The following HK3 variants were observed in gnomAD, a reference collection of about 807,000 sequenced individuals.
HK3 encodes the protein hexokinase-3.
A neutral mutation model predicts 91.0 loss-of-function variants in HK3; 93 were observed. The observed-to-expected ratio is 1.02, with a 90% CI of 0.86 to 1.21. The LOEUF (loss-of-function observed/expected upper bound fraction) is 1.21, where lower values mean the gene tolerates loss of function less well. Ranked by LOEUF, HK3 falls within the 50% of genes most tolerant of loss-of-function variation. HK3 has a pLI of 0.00. For synonymous variants in HK3, 519 were observed against 516.9 expected, an observed-to-expected ratio of 1.00 and a Z score of -0.06; for missense variants, 1,235 against 1,247.4, an observed-to-expected ratio of 0.99 and a Z score of 0.15.
At chr5:176,897,874 G>GTCTGTTAGA (rs1758944892) in intron 1 of HK3, among the ~76,000 whole-genome samples, 1 of 152,140 alleles carries the variant, frequency 6.6e-6, no homozygotes, top group Admixed American at 6.5e-5. Context: ...AATCCCAGTG[G>GTCTGTTAGA]TCTGTTAGAC....
intron 15 of HK3, 22 bp downstream of exon 15, chr5:176,883,748 G>A: frequency 6.3e-7 from 1 of 1,590,660 alleles, no homozygotes; most frequent in Non-Finnish European, 8.6e-7. Context: ...GTAGGGGCAT[G>A]AAAGGGCAGG....
At position 176,891,398 on chromosome 5, in the gene HK3, T is replaced by A. The variant is rs752492634; in HGVS notation, c.249A>T (p.Pro83=). ...RMLPTYVGST[P]HGTEQGDFVV... is the part of the protein sequence containing the mutation. ...ATCTATGATACCCACCAGTGCCATG[T>A]GGGGTGGACCCCACGTATGTAGGCA... Residue 83 remains proline (P), a synonymous_variant, in exon 3 of 19, where the codon CCA becomes CCT. Transcript: ENST00000292432. 6.2e-7 allele frequency: 1 copy of A among 1,613,188 alleles called. No individual in the cohort carries two copies. Among genetic ancestry groups the A allele is most frequent in the East Asian group, 2.2e-5 (1 of 44,876 alleles).
chr5:176,882,563 C>T (rs191524682), intron 15 of HK3, among the ~76,000 whole-genome samples: 90 of 152,278 alleles, frequency 5.9e-4, no homozygotes, highest in South Asian at 3.5e-3. Context: ...GACGAGGAGC[C>T]CCACAGTCTG....
chr5:176,883,416 A>G (rs1758496152), intron 15 of HK3, among the ~76,000 whole-genome samples: 1 of 152,078 alleles, frequency 6.6e-6, no homozygotes, highest in Non-Finnish European at 1.5e-5. Context: ...TGTTACTCTT[A>G]TCTCCATCTT....
intron 1 of HK3, among the ~76,000 whole-genome samples, chr5:176,898,572 CA>C (rs1360666811): frequency 6.6e-6 from 1 of 152,152 alleles, no homozygotes; most frequent in Non-Finnish European, 1.5e-5. Flanking sequence ...AATATTTATT[CA>C]GCATTTTTAC....
rs1450955310 is a variant in HK3, at chr5:176,887,738, C to A, written c.1313G>T (p.Ser438Ile). ...GAGCATCACTGTCCCCTGCAGGACG[C>A]TGCAGAACCTACAGATACATACAGG... ...RVCERHPRFC[S>I]VLQGTVMLLA... is the part of the protein sequence containing the mutation. The change falls in exon 11 of 19, where the codon AGC becomes ATC. Residue 438 changes from serine (S) to isoleucine (I), a missense_variant. Coordinates refer to ENST00000292432, the MANE Select transcript of HK3 (RefSeq NM_002115.3). This position sits in a 1 kb window ranked among gnomAD's most constrained non-coding sequence, Gnocchi z 4.9. 1 of 1,606,552 alleles carries A rather than the reference C, an allele frequency of 6.2e-7. No homozygotes were observed. Among genetic ancestry groups the A allele is most frequent in the Admixed American group, 1.7e-5 (1 of 59,792 alleles).
At chr5:176,885,647 C>G (rs1758566027) in intron 13 of HK3, among the ~76,000 whole-genome samples, 1 of 151,996 alleles carries the variant, frequency 6.6e-6, no homozygotes, top group African/African-American at 2.4e-5. Context: ...GTCTTGAAAT[C>G]CTGATCTCAT....
chr5:176,881,541 G>A lies in HK3; in HGVS notation c.2394-6C>T. ...GCCGCAGGGCCAGGCTGTCACTGGG[G>A]GCCAGGAAGGAAGAGAGCACAGGGA... On this transcript the variant is annotated splice_region_variant and splice_polypyrimidine_tract_variant and intron_variant, in intron 17 of 18. Transcript: ENST00000292432. 1 of 1,599,750 alleles carries A rather than the reference G, an allele frequency of 6.3e-7. No individual in the cohort carries two copies. Among genetic ancestry groups the A allele is most frequent in the Non-Finnish European group, 8.5e-7 (1 of 1,175,116 alleles).
rs1758616206 is a variant in HK3 at position 176,887,242 on chromosome 5, A to C, written c.1696T>G (p.Tyr566Asp). The change falls in exon 12 of 19, where the codon TAC (tyrosine) becomes GAC (aspartate). Residue 566 changes from tyrosine to aspartate, a missense_variant. Physicochemically the swap from Tyr to Asp is radical, Grantham distance 160. Coordinates refer to ENST00000292432, the MANE Select transcript of HK3 (RefSeq NM_002115.3). This position sits in a 1 kb window ranked among gnomAD's most constrained non-coding sequence, Gnocchi z 4.9. ...TTGVQITSEI[Y>D]SIPETVAQGS... The stretch of plus-strand genomic sequence containing the variant: ...TGGGCCACAGTCTCGGGAATGGAGT[A>C]GATCTCGCTGGTGATCTGCACGCCT... 1 of 1,614,002 alleles carries C rather than the reference A, an allele frequency of 6.2e-7. No individual in the cohort carries two copies. Among genetic ancestry groups the C allele is most frequent in the East Asian group, 2.2e-5 (1 of 44,892 alleles).
chr5:176,889,363 G>A lies in HK3; in HGVS notation c.914+18C>T. 1 of 1,610,352 alleles carries A rather than the reference G, an allele frequency of 6.2e-7. No homozygotes were observed. The highest frequency in any genetic ancestry group is 8.5e-7 in the Non-Finnish European group (1 of 1,177,566). On this transcript the variant is annotated intron_variant, in intron 8 of 18. Coordinates refer to ENST00000292432, the MANE Select transcript of HK3 (RefSeq NM_002115.3). ...GACAGGGCCTGGAACCAAAGGTCAG[G>A]GCCCCCTGCCAGGTCACCTCTGAGC... is the stretch of plus-strand genomic sequence containing the variant.
intron 2 of HK3, among the ~76,000 whole-genome samples, chr5:176,892,133 A>G (rs1758793978): frequency 6.6e-6 from 1 of 152,186 alleles, no homozygotes; most frequent in African/African-American, 2.4e-5. Flanking sequence ...CCGCACACAC[A>G]TAACCACCCA....
rs139804580 is a variant in HK3 at position 176,885,327 on chromosome 5, A to G, written c.1858-1193T>C. On this transcript the variant is annotated intron_variant, in intron 13 of 18. Coordinates refer to ENST00000292432, the MANE Select transcript of HK3 (RefSeq NM_002115.3). ...CTCCCTGAGTTCCCACATCCCTGCA[A>G]ATTCTGCACAGCAAAGGCTGCTGCA... Among the ~76,000 whole-genome samples the G allele has an allele frequency of 3.9e-5, 6 of 152,330 alleles. No individual in the cohort carries two copies. The East Asian group carries it at 1.2e-3, about 29-fold the overall frequency.
Position 176,882,129 on chromosome 5 carries a change from T to A in HK3, c.2054-2A>T. 6.2e-7 allele frequency: 1 copy of A among 1,612,618 alleles called. No homozygotes were observed. Among genetic ancestry groups the A allele is most frequent in the Non-Finnish European group, 8.5e-7 (1 of 1,179,868 alleles). On this transcript the variant is annotated splice_acceptor_variant, in intron 15 of 18. Coordinates refer to ENST00000292432, the MANE Select transcript of HK3 (RefSeq NM_002115.3). LOFTEE classifies it high-confidence loss of function. ...TGTAGCAGGCATTGGTGCCGGTTCC[T>A]GCAGAGAGGCCAGACAACGTGGAAG...
In HK3 at chr5:176,883,864, C is replaced by T; in HGVS notation, c.1959G>A (p.Val653=). The T allele has an allele frequency of 6.2e-7, 1 of 1,614,060 alleles. No individual in the cohort carries two copies. The highest frequency in any genetic ancestry group is 8.5e-7 in the Non-Finnish European group (1 of 1,179,974). ...LREAITRRQA[V]ELNVVAIVND... is the part of the protein sequence containing the mutation. ...TGACAATGGCAACCACATTCAGCTC[C>T]ACTGCCTGCACACAAAAGGATGCTG... The change falls in exon 15 of 19, where the codon GTG becomes GTA. Residue 653 remains valine (V), a synonymous_variant. Transcript: ENST00000292432.
At chr5:176,886,927 G>A in intron 13 of HK3, 75 bp downstream of exon 13, 1 of 1,562,766 alleles carries the variant, frequency 6.4e-7, no homozygotes, top group Non-Finnish European at 8.7e-7. Flanking sequence ...CTTTTCCCCT[G>A]CCTCCTGCCC....
chr5:176,897,670 G>A (rs1459055035), intron 1 of HK3, among the ~76,000 whole-genome samples: 2 of 152,048 alleles, frequency 1.3e-5, no homozygotes, highest in South Asian at 2.1e-4. Context: ...TGGCTTTCAC[G>A]GCCAGTCTCT....
chr5:176,881,165 C>T lies in HK3; in HGVS notation c.2680G>A (p.Val894Ile). The T allele has an allele frequency of 6.2e-7, 1 of 1,613,150 alleles. No individual in the cohort carries two copies. Among genetic ancestry groups the T allele is most frequent in the Non-Finnish European group, 8.5e-7 (1 of 1,179,928 alleles). Residue 894 changes from valine (V) to isoleucine (I), a missense_variant, in exon 19 of 19, where the codon GTC (valine) becomes ATC (isoleucine). By Grantham distance (29) the Val-to-Ile change is conservative. Transcript: ENST00000292432. ...CCATCCTCTGACTGCAGGAACGTGACCACACAGCGAGGGGCCAGCTCCCGC... is the reference window on the plus strand; with the variant it reads ...CCATCCTCTGACTGCAGGAACGTGATCACACAGCGAGGGGCCAGCTCCCGC... ...TVRELAPRCV[V>I]TFLQSEDGSG...
In HK3 at chr5:176,884,835, C is replaced by G. The variant is rs1758541182; in HGVS notation, c.1858-701G>C. ...GTCTACAGCTGTTGGGAGAAAATTA[C>G]TGCTTTGCTCAGAGGAGGAGCATGG... is the stretch of plus-strand genomic sequence containing the variant. On this transcript the variant is annotated intron_variant, in intron 13 of 18. Coordinates refer to ENST00000292432, the MANE Select transcript of HK3 (RefSeq NM_002115.3). This position sits in a 1 kb window ranked among gnomAD's most constrained non-coding sequence, Gnocchi z 4.1. Among the ~76,000 whole-genome samples the G allele has an allele frequency of 6.6e-6, 1 of 152,180 alleles. No individual in the cohort carries two copies. The highest frequency in any genetic ancestry group is 2.4e-5 in the African/African-American group (1 of 41,422).
chr5:176,889,633 T>C lies in HK3; in HGVS notation c.730+12A>G. ...ACCCTCCACCTGTCATCACAAATGG[T>C]CCATGGCTCACCTACAACTAGCCCA... On this transcript the variant is annotated intron_variant, in intron 7 of 18. Coordinates refer to ENST00000292432, the MANE Select transcript of HK3 (RefSeq NM_002115.3). 1.9e-6 allele frequency: 3 copies of C among 1,614,104 alleles called. No individual in the cohort carries two copies. The highest frequency in any genetic ancestry group is 2.5e-6 in the Non-Finnish European group (3 of 1,179,986).
Sources: gnomAD v4.1 joint callset for allele counts (sites outside exome capture counted in the v4.1 genomes callset) on GRCh38, gnomAD v4.1.1 for gene constraint, Gnocchi (gnomAD v3.1) non-coding constraint, MANE v1.5 for transcripts, NCBI Gene and HGNC (gene_info 2026-07-23, HGNC 2026-07-21) for gene names.